SRFBP1: variants seen among roughly 807,000 people sequenced by gnomAD.
The protein encoded by SRFBP1 is serum response factor-binding protein 1.
A neutral mutation model predicts 45.5 loss-of-function variants in SRFBP1; 47 were observed. That is an observed-to-expected ratio of 1.03 (90% CI 0.82 to 1.32). The LOEUF is 1.32. Ranked by LOEUF, SRFBP1 falls within the 40% of genes most tolerant of loss-of-function variation. The pLI, the probability that SRFBP1 is intolerant of heterozygous loss-of-function variation, is 0.00. For synonymous variants in SRFBP1, 203 were observed against 166.3 expected, an observed-to-expected ratio of 1.22 and a Z score of -1.70; for missense variants, 621 against 484.6, an observed-to-expected ratio of 1.28 and a Z score of -2.64.
chr5:122,016,263 C>G (rs1199593364), intron 4 of SRFBP1, among the ~76,000 whole-genome samples: 1 of 152,092 alleles, frequency 6.6e-6, no homozygotes, highest in Non-Finnish European at 1.5e-5. Flanking sequence ...CTATGCCATT[C>G]TTATTATTTG....
intron 2 of SRFBP1, among the ~76,000 whole-genome samples, chr5:122,071,442 G>A (rs1351597399): frequency 6.6e-6 from 1 of 152,128 alleles, no homozygotes; most frequent in Non-Finnish European, 1.5e-5. Flanking sequence ...ATATTTTGTT[G>A]AAGGGGTAAA....
intron 1 of SRFBP1, 97 bp downstream of exon 1, chr5:121,962,165 G>T (rs1000892715): frequency 4.1e-5 from 62 of 1,505,062 alleles, no homozygotes; most frequent in Non-Finnish European, 5.6e-5. Flanking sequence ...GGTGCGGTTG[G>T]AGGAACTTTC....
At chr5:122,048,107 C>A (rs1753898071) in intron 2 of SRFBP1, among the ~76,000 whole-genome samples, 1 of 152,170 alleles carries the variant, frequency 6.6e-6, no homozygotes, top group Non-Finnish European at 1.5e-5. Flanking sequence ...TGAGAGAGGG[C>A]ATCCCTGTCT....
intron 2 of SRFBP1, among the ~76,000 whole-genome samples, chr5:122,048,026 G>A (rs914788604): frequency 3.9e-5 from 6 of 151,932 alleles, no homozygotes; most frequent in African/African-American, 7.2e-5. Context: ...TCCTAATTGA[G>A]TACCCTTTAT....
chr5:121,962,916 C>T (rs1751979989), intron 1 of SRFBP1, among the ~76,000 whole-genome samples: 1 of 152,178 alleles, frequency 6.6e-6, no homozygotes. Flanking sequence ...TTCATATTTT[C>T]TAGTAACCTA....
At chr5:122,058,157 A>G (rs752317998) in intron 2 of SRFBP1, among the ~76,000 whole-genome samples, 1 of 152,144 alleles carries the variant, frequency 6.6e-6, no homozygotes, top group Non-Finnish European at 1.5e-5. Flanking sequence ...ATAGGGTAAT[A>G]TTATTTAAAT....
chr5:121,992,408 G>GT (rs1477475269), intron 3 of SRFBP1, among the ~76,000 whole-genome samples: 21 of 150,512 alleles, frequency 1.4e-4, no homozygotes, highest in East Asian at 7.9e-4. Context: ...GTTTTGTTTT[G>GT]TTTTTTTTCT....
At chr5:121,993,464 G>A (rs991690553) in intron 3 of SRFBP1, among the ~76,000 whole-genome samples, 3 of 152,194 alleles carry the variant, frequency 2.0e-5, no homozygotes, top group African/African-American at 4.8e-5. Flanking sequence ...GCTTTTAACC[G>A]TGGTAGAGAT....
chr5:121,998,822 C>T lies in SRFBP1; in HGVS notation c.270+4152C>T, dbSNP rs571044089. Among the ~76,000 whole-genome samples, 75 of 152,242 alleles carry T rather than the reference C, an allele frequency of 4.9e-4. 1 individual carries two copies. Among genetic ancestry groups the T allele is most frequent in the African/African-American group, 1.8e-3 (74 of 41,556 alleles). On this transcript the variant is annotated intron_variant, in intron 4 of 7. Coordinates refer to ENST00000339397, the MANE Select transcript of SRFBP1 (RefSeq NM_152546.3). ...AAGAATTAAATTAGGTGATTAAGAA[C>T]ACACCAGTGTTAGGTGGCATCATCA...
chr5:122,048,831 G>A (rs192749811), intron 2 of SRFBP1, among the ~76,000 whole-genome samples: 427 of 152,132 alleles, frequency 2.8e-3, no homozygotes, highest in Admixed American at 4.6e-3. Context: ...GTTTATTTGC[G>A]TAGAGGTGTT....
chr5:122,060,800 G>A (rs1321402424), intron 2 of SRFBP1, among the ~76,000 whole-genome samples: 1 of 152,054 alleles, frequency 6.6e-6, no homozygotes, highest in Admixed American at 6.6e-5. Context: ...TGATTTCCTG[G>A]TTCCATCTGC....
intron 2 of SRFBP1, among the ~76,000 whole-genome samples, chr5:122,054,276 G>A (rs1045009563): frequency 1.1e-4 from 17 of 152,202 alleles, no homozygotes; most frequent in African/African-American, 4.1e-4. Flanking sequence ...CACAGTTCCT[G>A]TGGAGAGCAT....
chr5:122,078,745 T>C (rs1424505131), downstream of SRFBP1, among the ~76,000 whole-genome samples: 1 of 152,216 alleles, frequency 6.6e-6, no homozygotes, highest in Non-Finnish European at 1.5e-5. Context: ...ACTCTCTCGC[T>C]TTTATGGGAA....
In SRFBP1 at chr5:122,015,792, C is replaced by T. The variant is rs1022710435; in HGVS notation, c.271-3468C>T. ...GCAGTTAGTTCGCATAGAGTTTACC[C>T]CTACAGTAAGATGTTTATGTACTGT... On this transcript the variant is annotated intron_variant, in intron 4 of 7. Transcript: ENST00000339397. Among the ~76,000 whole-genome samples, 6 of 152,274 alleles carry T rather than the reference C, an allele frequency of 3.9e-5. No homozygotes were observed. In the South Asian group the frequency reaches 1.0e-3, roughly 26 times the overall value.
At chr5:122,045,462 C>T (rs893803232) in intron 2 of SRFBP1, among the ~76,000 whole-genome samples, 1 of 152,144 alleles carries the variant, frequency 6.6e-6, no homozygotes, top group African/African-American at 2.4e-5. Context: ...GCCATTTTAA[C>T]AATATTGATT....
At chr5:122,010,972 G>T (rs1465170784) in intron 4 of SRFBP1, among the ~76,000 whole-genome samples, 1 of 152,054 alleles carries the variant, frequency 6.6e-6, no homozygotes, top group Non-Finnish European at 1.5e-5. Context: ...TCCATGTTTA[G>T]TTAGCCCCAA....
At position 122,028,513 on chromosome 5, in the gene SRFBP1, A is replaced by G. The variant is rs1753535452; in HGVS notation, c.*1387A>G. On this transcript the variant is annotated 3_prime_UTR_variant, in exon 8 of 8. Coordinates refer to ENST00000339397, the MANE Select transcript of SRFBP1 (RefSeq NM_152546.3). ...TTCCAGCTACTCAGAAGGCTGAGGC[A>G]TAAGAATTGCTTGAACCTGGGAGGT... The G allele has an allele frequency of 6.6e-6, 1 of 152,198 alleles. No homozygotes were observed. The highest frequency in any genetic ancestry group is 1.5e-5 in the Non-Finnish European group (1 of 68,114). The allele number at this position is 152,198 out of a possible 1,614,324, so 9.4% of individuals were successfully genotyped here. A position where few individuals can be genotyped will look rare whatever the true frequency, so the allele number is the denominator to read the frequency against.
intron 4 of SRFBP1, among the ~76,000 whole-genome samples, chr5:121,998,432 G>A (rs1469079720): frequency 1.4e-5 from 2 of 140,662 alleles, no homozygotes; most frequent in Admixed American, 1.5e-4. Context: ...ACCAAACACC[G>A]CATATTCTCA....
Position 121,966,069 on chromosome 5 carries a change from G to A in SRFBP1, c.36+4001G>A, listed in dbSNP as rs139258306. On this transcript the variant is annotated intron_variant, in intron 1 of 7. Coordinates refer to ENST00000339397, the MANE Select transcript of SRFBP1 (RefSeq NM_152546.3). ...GAGACTTTGCTGAAATTGCTTATCA[G>A]CTTAAGGAGATTTGGGGCTGAAACA... is the stretch of plus-strand genomic sequence containing the variant. Among the ~76,000 whole-genome samples the A allele has an allele frequency of 9.9e-5, 15 of 152,274 alleles. No individual in the cohort carries two copies. In the East Asian group the frequency reaches 2.9e-3, roughly 29 times the overall value.
Sources: allele counts gnomAD v4.1 joint callset (sites outside exome capture counted in the v4.1 genomes callset), GRCh38; gene constraint gnomAD v4.1.1; transcripts MANE v1.5; gene names NCBI Gene and HGNC (gene_info 2026-07-23, HGNC 2026-07-21).